Variants in CRB1 observed in about 807,000 individuals in gnomAD.
CRB1 encodes protein crumbs homolog 1.
Under a neutral mutation model 120.0 loss-of-function variants are expected in CRB1, and 83 were observed. That is an observed-to-expected ratio of 0.69 (90% confidence interval 0.58 to 0.83). CRB1 has a LOEUF of 0.83. CRB1 is among the 40% of genes least tolerant of loss of function. The probability of loss-of-function intolerance (pLI) is 0.00; values close to 1 mark genes in which losing one functional copy is unlikely to be tolerated. For synonymous variants in CRB1, 625 were observed against 612.5 expected (o/e 1.02, Z -0.30); for missense variants, 1,699 against 1,687.6 (o/e 1.01, Z -0.12).
At chr1:197,349,565 G>C (rs1054708041) in intron 4 of CRB1, among the ~76,000 whole-genome samples, 4 of 152,106 alleles carry the variant, frequency 2.6e-5, no homozygotes, top group Non-Finnish European at 2.9e-5. Flanking sequence ...ATAATCTTGT[G>C]GGTGGAAAGG....
chr1:197,253,480 T>A, the CRB1 span, among the ~76,000 whole-genome samples: 3 of 152,104 alleles, frequency 2.0e-5, no homozygotes, highest in Admixed American at 1.3e-4. Flanking sequence ...CCAATTTTAA[T>A]ATAAACTCTT....
chr1:197,387,214 T>C (rs796491607), intron 5 of CRB1, among the ~76,000 whole-genome samples: 9 of 152,218 alleles, frequency 5.9e-5, no homozygotes, highest in African/African-American at 2.2e-4. Context: ...GCAATTCTCC[T>C]GCCTCAGCCT....
chr1:197,428,603 C>T (rs1424198561), intron 7 of CRB1, among the ~76,000 whole-genome samples: 3 of 152,170 alleles, frequency 2.0e-5, no homozygotes, highest in Non-Finnish European at 4.4e-5. Flanking sequence ...GTGTGTTGAG[C>T]GTTTGTTGAG....
chr1:197,428,963 C>T, intron 7 of CRB1: 1 of 1,532,036 alleles, frequency 6.5e-7, no homozygotes. Flanking sequence ...AATACTATGT[C>T]TCTGATTCAG....
rs893369498 is a variant in CRB1, at chr1:197,429,699, G to A, written c.2842+85G>A. On this transcript the variant is annotated intron_variant, in intron 8 of 11. Coordinates refer to ENST00000367400, the MANE Select transcript of CRB1 (RefSeq NM_201253.3). Reference sequence around the variant, plus strand: ...AGAGCAAACACAGAAAAAGAGTATAGACAAAGCCAGTTTATTAAATTAATC... The same window carrying A: ...AGAGCAAACACAGAAAAAGAGTATAAACAAAGCCAGTTTATTAAATTAATC... 6.6e-5 allele frequency: 91 copies of A among 1,369,280 alleles called. 1 individual carries two copies. In the South Asian group the frequency reaches 1.0e-3, roughly 15 times the overall value. 84.8% of individuals were successfully genotyped at this position (1,369,280 alleles called of 1,614,324 possible).
chr1:197,359,143 T>C (rs1377505447), intron 5 of CRB1, among the ~76,000 whole-genome samples: 1 of 152,204 alleles, frequency 6.6e-6, no homozygotes, highest in Non-Finnish European at 1.5e-5. Context: ...TGCAAAACTA[T>C]AGTTCAGCTA....
In CRB1 at chr1:197,438,823, A is replaced by T. The variant is rs146294082; in HGVS notation, c.3878+148A>T. 1.3e-4 allele frequency: 121 copies of T among 912,742 alleles called. 1 individual carries two copies. In the African/African-American group the frequency reaches 1.8e-3, roughly 13 times the overall value. The allele number at this position is 912,742 out of a possible 1,614,324, so 56.5% of individuals were successfully genotyped here. A position where few individuals can be genotyped will look rare whatever the true frequency, so the allele number is the denominator to read the frequency against. ...GAGGTTCAGACAGAATGAAACAATAAAAAAGAAGAAAAACTACAGTTTAGG... is the reference window on the plus strand; with the variant it reads ...GAGGTTCAGACAGAATGAAACAATATAAAAGAAGAAAAACTACAGTTTAGG... On this transcript the variant is annotated intron_variant, in intron 10 of 11. Coordinates refer to ENST00000367400, the MANE Select transcript of CRB1 (RefSeq NM_201253.3).
At chr1:197,416,945 T>G (rs1664036630) in intron 5 of CRB1, among the ~76,000 whole-genome samples, 1 of 152,150 alleles carries the variant, frequency 6.6e-6, no homozygotes, top group Non-Finnish European at 1.5e-5. Flanking sequence ...CCTGACCTCA[T>G]GATCCACCCG....
chr1:197,209,082 C>T, the CRB1 span, among the ~76,000 whole-genome samples: 11 of 152,292 alleles, frequency 7.2e-5, no homozygotes, highest in East Asian at 1.7e-3. Context: ...CATGCCCTGC[C>T]AACAGCATCA....
At chr1:197,222,533 T>G in the CRB1 span, 3 of 768,276 alleles carry the variant, frequency 3.9e-6, no homozygotes, top group South Asian at 4.0e-5. Flanking sequence ...GTCTTGGCAG[T>G]GTTGCAAATT....
At chr1:197,255,941 T>C in the CRB1 span, among the ~76,000 whole-genome samples, 3 of 126,416 alleles carry the variant, frequency 2.4e-5, no homozygotes, top group Non-Finnish European at 3.4e-5. Flanking sequence ...CAAATTCAAA[T>C]GTTCTATAAT....
the CRB1 span, among the ~76,000 whole-genome samples, chr1:197,214,519 G>A: frequency 1.3e-5 from 2 of 152,026 alleles, no homozygotes; most frequent in African/African-American, 4.8e-5. Flanking sequence ...AAACCCCTGT[G>A]GATCCTGAGG....
chr1:197,310,470 A>C (rs1480489335), intron 1 of CRB1, among the ~76,000 whole-genome samples: 6 of 152,194 alleles, frequency 3.9e-5, no homozygotes, highest in Admixed American at 3.9e-4. Context: ...GATAATAGGG[A>C]AAAGGAACGT....
At chr1:197,406,216 T>G (rs1663384868) in intron 5 of CRB1, among the ~76,000 whole-genome samples, 1 of 152,242 alleles carries the variant, frequency 6.6e-6, no homozygotes, top group African/African-American at 2.4e-5. Context: ...AGACTTTTCA[T>G]TTTGTTCTGT....
chr1:197,406,370 G>A (rs901511411), intron 5 of CRB1, among the ~76,000 whole-genome samples: 3 of 152,106 alleles, frequency 2.0e-5, no homozygotes, highest in African/African-American at 7.2e-5. Context: ...ACAGATGCTT[G>A]AAGGCAGCAT....
chr1:197,450,957 C>CAAAAAAAAAAAAAAAA (rs11288525), intron 11 of CRB1, among the ~76,000 whole-genome samples: 1 of 56,628 alleles, frequency 1.8e-5, no homozygotes, highest in African/African-American at 7.5e-5. Flanking sequence ...GACTCCGTCC[C>CAAAAAAAAAAAAAAAA]AAAAAAAAAA....
chr1:197,414,136 G>A (rs1287709931), intron 5 of CRB1: 1 of 263,548 alleles, frequency 3.8e-6, no homozygotes, highest in East Asian at 9.9e-5. Flanking sequence ...GAAAGGAAAA[G>A]TGGATATATT....
At chr1:197,441,589 T>G (rs1665434332) in intron 10 of CRB1, 1 of 151,034 alleles carries the variant, frequency 6.6e-6, no homozygotes, top group Admixed American at 6.6e-5. Flanking sequence ...AAAAAGGATT[T>G]CCACAGAAAA....
At chr1:197,299,806 G>GATACAATTTTAATGTGCACAGATTT (rs1195751679) in intron 1 of CRB1, among the ~76,000 whole-genome samples, 1 of 151,686 alleles carries the variant, frequency 6.6e-6, no homozygotes, top group Non-Finnish European at 1.5e-5. Flanking sequence ...GTACTTCACA[G>GATACAATTTTAATGTGCACAGATTT]TAATGTGCTT....
Sources: allele counts gnomAD v4.1 joint callset (sites outside exome capture counted in the v4.1 genomes callset), GRCh38; gene constraint gnomAD v4.1.1; transcripts MANE v1.5; gene names NCBI Gene and HGNC (gene_info 2026-07-23, HGNC 2026-07-21).